Variants in CENPE observed in about 807,000 individuals in gnomAD.
CENPE encodes centromere-associated protein E.
CENPE carries 145 observed loss-of-function variants against 336.1 expected under a neutral mutation model. The observed-to-expected ratio is 0.43, with a 90% CI of 0.38 to 0.50. CENPE has a LOEUF of 0.50. CENPE is among the 20% of genes least tolerant of loss of function. The pLI is 0.00. For missense variants in CENPE, 2,719 were observed against 3,023.3 expected (o/e 0.90, Z 2.36); for synonymous variants, 1,013 against 984.8 (o/e 1.03, Z -0.54).
intron 28 of CENPE, 83 bp downstream of exon 28, chr4:103,148,761 T>C (rs914685324): frequency 1.3e-4 from 162 of 1,280,322 alleles, no homozygotes; most frequent in Non-Finnish European, 1.7e-4. Flanking sequence ...AACCACATCC[T>C]AGCTACTTCT....
chr4:103,183,032 TA>T, intron 10 of CENPE, 141 bp from the exon 11 acceptor site: 2 of 950,974 alleles, frequency 2.1e-6, no homozygotes, highest in Non-Finnish European at 3.1e-6. Context: ...TTAAAACTAC[TA>T]AAAAATATTT....
Position 103,148,915 on chromosome 4 carries a change from C to A in CENPE, c.3772G>T (p.Val1258Leu), listed in dbSNP as rs200458836. The stretch of plus-strand genomic sequence containing the variant: ...ATTATTTGAGCTGTCTTCTCAGATA[C>A]GCTTCTTCTTAGTTCATCAATAGTT... The part of the protein sequence containing the change: ...QETIDELRRS[V>L]SEKTAQIINT... Residue 1258 changes from valine to leucine, a missense_variant, in exon 28 of 49, where the codon GTA becomes TTA. Physicochemically the swap from Val to Leu is conservative, Grantham distance 32. Transcript: ENST00000265148. The A allele has an allele frequency of 9.3e-6, 15 of 1,613,074 alleles. No individual in the cohort carries two copies. In the African/African-American group the frequency reaches 1.9e-4, roughly 20 times the overall value.
intron 16 of CENPE, among the ~76,000 whole-genome samples, chr4:103,171,063 C>A (rs532689250): frequency 6.6e-6 from 1 of 151,650 alleles, no homozygotes; most frequent in East Asian, 1.9e-4. Context: ...AGAGAGACTG[C>A]AACACAATAA....
At chr4:103,140,668 T>G (rs1268184881) in intron 36 of CENPE, 146 bp downstream of exon 36, 3 of 673,046 alleles carry the variant, frequency 4.5e-6, no homozygotes, top group Non-Finnish European at 7.2e-6. Flanking sequence ...ATGCTTAGTT[T>G]TCCATTATAC....
At chr4:103,166,207 G>A (rs1223579860) in intron 16 of CENPE, among the ~76,000 whole-genome samples, 2 of 152,174 alleles carry the variant, frequency 1.3e-5, no homozygotes, top group Non-Finnish European at 2.9e-5. Flanking sequence ...GTGAGCATCT[G>A]GTCTCTACTT....
At chr4:103,174,942 C>A (rs1755731296) in intron 15 of CENPE, 39 bp from the exon 16 acceptor site, 1 of 1,247,006 alleles carries the variant, frequency 8.0e-7, no homozygotes, top group East Asian at 3.1e-5. Context: ...TCAGAAAATT[C>A]AAATATTTTT....
chr4:103,128,000 A>G (rs1240578590), intron 42 of CENPE, among the ~76,000 whole-genome samples: 2 of 152,154 alleles, frequency 1.3e-5, no homozygotes, highest in African/African-American at 4.8e-5. Context: ...ATCAAAAAAT[A>G]AGAGCTGACT....
rs1447329284 is a variant in CENPE, at chr4:103,153,150, A to G, written c.3134T>C (p.Ile1045Thr). ...DNEIIEQQRK[I>T]FSLIQEKNEL... ...ATTTTTCTCCTGTATTAAAGAAAATATCTTCCTTTGTTGCTCAATTATCTC... is the reference window on the plus strand; with the variant it reads ...ATTTTTCTCCTGTATTAAAGAAAATGTCTTCCTTTGTTGCTCAATTATCTC... The change falls in exon 25 of 49, where the codon ATA becomes ACA. Residue 1045 changes from isoleucine (I) to threonine (T), a missense_variant. This residue lies in a region of CENPE where 2,437 missense variants were observed against 2,513.3 expected (regional missense o/e 0.97). Transcript: ENST00000265148. The G allele has an allele frequency of 1.2e-6, 2 of 1,612,002 alleles. No homozygotes were observed. The highest frequency in any genetic ancestry group is 1.7e-6 in the Non-Finnish European group (2 of 1,178,486).
At chr4:103,112,271 C>A (rs1218225696) in intron 46 of CENPE, among the ~76,000 whole-genome samples, 1 of 146,018 alleles carries the variant, frequency 6.8e-6, no homozygotes, top group Non-Finnish European at 1.5e-5. Context: ...ATTGAAAATT[C>A]CAAATACTAA....
At chr4:103,112,671 C>CAT (rs894232954) in intron 46 of CENPE, among the ~76,000 whole-genome samples, 4 of 120,498 alleles carry the variant, frequency 3.3e-5, no homozygotes, top group Non-Finnish European at 6.4e-5. Context: ...TATAAGTCTG[C>CAT]ATATATACTT....
chr4:103,144,172 G>A (rs1335797650), intron 33 of CENPE, among the ~76,000 whole-genome samples, 159 bp downstream of exon 33: 4 of 152,064 alleles, frequency 2.6e-5, no homozygotes, highest in Admixed American at 1.3e-4. Context: ...TCCTGACCTC[G>A]TGATCTGCCC....
intron 46 of CENPE, among the ~76,000 whole-genome samples, chr4:103,113,323 A>G (rs2125842755): frequency 7.0e-6 from 1 of 143,022 alleles, no homozygotes; most frequent in East Asian, 2.1e-4. Context: ...CTCCTGTAAA[A>G]AAGTATGTAT....
rs1188978571 is a variant in CENPE, at chr4:103,138,337, C to T, written c.6303+14G>A. 5 of 1,547,676 alleles carry T rather than the reference C, an allele frequency of 3.2e-6. No homozygotes were observed. The highest frequency in any genetic ancestry group is 2.2e-5 in the East Asian group (1 of 44,580). On this transcript the variant is annotated intron_variant, in intron 39 of 48. Coordinates refer to ENST00000265148, the MANE Select transcript of CENPE (RefSeq NM_001813.3). ...AACCAATAATCATTTGTAGTTTTAA[C>T]AGGGGGTACTTACTTTTATTCTAGA...
intron 4 of CENPE, 69 bp downstream of exon 4, chr4:103,195,851 C>A: frequency 1.1e-6 from 1 of 896,212 alleles, no homozygotes; most frequent in East Asian, 2.4e-5. Flanking sequence ...AAGAGAAATA[C>A]ACTAAGACTG....
chr4:103,115,869 T>C (rs1277464773), intron 45 of CENPE, among the ~76,000 whole-genome samples: 1 of 151,992 alleles, frequency 6.6e-6, no homozygotes, highest in Non-Finnish European at 1.5e-5. Flanking sequence ...TAGCTGGGAC[T>C]ACAGGCGCCT....
intron 8 of CENPE, among the ~76,000 whole-genome samples, chr4:103,188,402 C>T (rs1349044416): frequency 6.6e-6 from 1 of 152,290 alleles, no homozygotes; most frequent in South Asian, 2.1e-4. Context: ...GTAAAGCACT[C>T]CTCAGCAAAT....
intron 14 of CENPE, among the ~76,000 whole-genome samples, chr4:103,176,651 C>T (rs2126009805): frequency 6.6e-6 from 1 of 152,210 alleles, no homozygotes; most frequent in African/African-American, 2.4e-5. Flanking sequence ...GCTCCGCCTC[C>T]CAGGTTCAAG....
intron 13 of CENPE, among the ~76,000 whole-genome samples, chr4:103,178,498 T>C (rs754309051): frequency 6.6e-6 from 1 of 152,200 alleles, no homozygotes; most frequent in Non-Finnish European, 1.5e-5. Flanking sequence ...CTTTCCTCCA[T>C]GTTTGCTCCA....
At chr4:103,168,245 G>A (rs1398590030) in intron 16 of CENPE, among the ~76,000 whole-genome samples, 1 of 152,044 alleles carries the variant, frequency 6.6e-6, no homozygotes, top group Non-Finnish European at 1.5e-5. Context: ...CAGTCAGGAA[G>A]CTATCTCGAC....
Sources: allele counts gnomAD v4.1 joint callset (sites outside exome capture counted in the v4.1 genomes callset), GRCh38; gene constraint gnomAD v4.1.1; regional missense constraint gnomAD v4.1.1; transcripts MANE v1.5; gene names NCBI Gene and HGNC (gene_info 2026-07-23, HGNC 2026-07-21).